Variants in TNKS2 observed in about 807,000 individuals in gnomAD.
TNKS2 encodes the protein poly [ADP-ribose] polymerase tankyrase-2.
In TNKS2, 72 loss-of-function variants were observed where a neutral mutation model predicts 137.6. That is an observed-to-expected ratio of 0.52 (90% CI 0.43 to 0.64). The LOEUF (loss-of-function observed/expected upper bound fraction) is 0.64, where lower values mean the gene tolerates loss of function less well. TNKS2 is among the 30% of genes least tolerant of loss of function. The pLI, the probability that TNKS2 is intolerant of heterozygous loss-of-function variation, is 0.00. For missense variants in TNKS2, 1,049 were observed against 1,410.2 expected, an observed-to-expected ratio of 0.74 and a Z score of 4.10; for synonymous variants, 516 against 512.1, an observed-to-expected ratio of 1.01 and a Z score of -0.10.
At chr10:91,814,537 T>C (rs966698945) in intron 2 of TNKS2, among the ~76,000 whole-genome samples, 1 of 152,238 alleles carries the variant, frequency 6.6e-6, no homozygotes, top group Non-Finnish European at 1.5e-5. Context: ...TCACATTCAC[T>C]CATCACTCAC....
intron 1 of TNKS2, among the ~76,000 whole-genome samples, chr10:91,800,737 G>A (rs1410013246): frequency 6.6e-6 from 1 of 152,150 alleles, no homozygotes; most frequent in African/African-American, 2.4e-5. Context: ...TTCAACCAGA[G>A]CTTTTGAAGT....
chr10:91,863,055 G>C lies in TNKS2; in HGVS notation c.*56G>C. ...ACCTAAAATCATCAAAGCAGCAGTGGCCTCTACGTTTTACTCCTTTGCTGA... is the reference window on the plus strand; with the variant it reads ...ACCTAAAATCATCAAAGCAGCAGTGCCCTCTACGTTTTACTCCTTTGCTGA... On this transcript the variant is annotated 3_prime_UTR_variant, in exon 27 of 27. Transcript: ENST00000371627. 1.5e-6 allele frequency: 2 copies of C among 1,320,262 alleles called. No homozygotes were observed. The highest frequency in any genetic ancestry group is 2.5e-5 in the South Asian group (2 of 79,444). 81.8% of individuals were successfully genotyped at this position (1,320,262 alleles called of 1,614,324 possible).
At chr10:91,842,694 C>T (rs776519318) in intron 16 of TNKS2, among the ~76,000 whole-genome samples, 1 of 151,912 alleles carries the variant, frequency 6.6e-6, no homozygotes, top group African/African-American at 2.4e-5. Context: ...AAGATTGAGC[C>T]CAGGAGGTCA....
chr10:91,816,861 T>A (rs1487023695), intron 2 of TNKS2, among the ~76,000 whole-genome samples: 2 of 152,208 alleles, frequency 1.3e-5, no homozygotes, highest in Non-Finnish European at 2.9e-5. Flanking sequence ...TTATCTATCC[T>A]TAGTCACTTG....
Position 91,828,355 on chromosome 10 carries a change from C to G in TNKS2, c.1053C>G (p.Leu351=), listed in dbSNP as rs141531302. Reference sequence around the variant, plus strand: ...ATGTTACTCGAATCAAAAAACATCTCTCTCTGGAAATGGTGAATTTCAAGC... The same window carrying G: ...ATGTTACTCGAATCAAAAAACATCTGTCTCTGGAAATGGTGAATTTCAAGC... The part of the protein sequence containing the change: ...EADVTRIKKH[L]SLEMVNFKHP... The change falls in exon 9 of 27, where the codon CTC becomes CTG. Residue 351 remains leucine (L), a synonymous_variant. Coordinates refer to ENST00000371627, the MANE Select transcript of TNKS2 (RefSeq NM_025235.4). 6.8e-5 allele frequency: 110 copies of G among 1,608,868 alleles called. No homozygotes were observed. Among genetic ancestry groups the G allele is most frequent in the African/African-American group, 6.2e-4 (46 of 74,690 alleles).
At chr10:91,852,271 G>A (rs1842562514) in intron 21 of TNKS2, among the ~76,000 whole-genome samples, 1 of 149,110 alleles carries the variant, frequency 6.7e-6, no homozygotes, top group Non-Finnish European at 1.5e-5. Flanking sequence ...AAGGTTAATT[G>A]TTTTGGCTAG....
At chr10:91,850,691 C>T (rs1842515674) in intron 20 of TNKS2, among the ~76,000 whole-genome samples, 2 of 152,128 alleles carry the variant, frequency 1.3e-5, no homozygotes, top group South Asian at 4.1e-4. Context: ...TGCACTCCAG[C>T]CTTGGCAACG....
At chr10:91,814,267 A>G (rs1043814032) in intron 2 of TNKS2, among the ~76,000 whole-genome samples, 2 of 152,200 alleles carry the variant, frequency 1.3e-5, no homozygotes, top group African/African-American at 4.8e-5. Flanking sequence ...TTGTAAAAAA[A>G]AATTTTTTTG....
chr10:91,840,522 G>A (rs766680418), intron 13 of TNKS2, 39 bp from the exon 14 acceptor site: 4 of 1,561,802 alleles, frequency 2.6e-6, no homozygotes, highest in Admixed American at 3.7e-5. Flanking sequence ...ATAACAATAT[G>A]TAGATGTAGT....
chr10:91,820,305 C>T (rs1844847455), intron 6 of TNKS2, among the ~76,000 whole-genome samples: 1 of 152,154 alleles, frequency 6.6e-6, no homozygotes, highest in Non-Finnish European at 1.5e-5. Context: ...AGGGATAGCA[C>T]TGCAGGAGTT....
intron 11 of TNKS2, among the ~76,000 whole-genome samples, chr10:91,831,583 C>G (rs1845248954): frequency 6.6e-6 from 1 of 152,140 alleles, no homozygotes; most frequent in Non-Finnish European, 1.5e-5. Context: ...ATTTCTGTAA[C>G]TAAGCCAAAG....
At chr10:91,857,383 G>T in intron 23 of TNKS2, 42 bp from the exon 24 acceptor site, 1 of 1,445,634 alleles carries the variant, frequency 6.9e-7, no homozygotes, top group Non-Finnish European at 9.6e-7. Context: ...AAGTCAGTAA[G>T]TAATTCCTAA....
At position 91,817,228 on chromosome 10, in the gene TNKS2, T is replaced by C; in HGVS notation, c.519T>C (p.Thr173=). 1.2e-6 allele frequency: 2 copies of C among 1,610,764 alleles called. No individual in the cohort carries two copies. The highest frequency in any genetic ancestry group is 1.3e-5 in the African/African-American group (1 of 75,012). ...LADPSAKAVL[T]GEYKKDELLE... ...ATCCATCTGCCAAAGCAGTGCTTAC[T>C]GGTAAGTCTGTATACTCTGGTTATT... The change falls in exon 3 of 27, where the codon ACT becomes ACC. Residue 173 remains threonine, a splice_region_variant and synonymous_variant. Coordinates refer to ENST00000371627, the MANE Select transcript of TNKS2 (RefSeq NM_025235.4).
In TNKS2 at chr10:91,857,451, A is replaced by C. The variant is rs762960669; in HGVS notation, c.3015A>C (p.Leu1005=). The change falls in exon 24 of 27, where the codon CTA becomes CTC. Residue 1005 remains leucine (L), a synonymous_variant. Coordinates refer to ENST00000371627, the MANE Select transcript of TNKS2 (RefSeq NM_025235.4). ...LKIQKVCNKK[L]WERYTHRRKE... ...TTCAGAAGGTTTGTAACAAGAAACT[A>C]TGGGAAAGATACACTCACCGGAGAA... 1 of 1,609,514 alleles carries C rather than the reference A, an allele frequency of 6.2e-7. No individual in the cohort carries two copies. The highest frequency in any genetic ancestry group is 8.5e-7 in the Non-Finnish European group (1 of 1,177,258).
intron 7 of TNKS2, 66 bp from the exon 8 acceptor site, chr10:91,826,951 C>G: frequency 7.4e-7 from 1 of 1,352,078 alleles, no homozygotes; most frequent in Non-Finnish European, 9.7e-7. Flanking sequence ...TGTTAAATTA[C>G]ACAGTACGAA....
intron 13 of TNKS2, among the ~76,000 whole-genome samples, chr10:91,838,036 ATTTTTTTTTTTTTTTTT>A (rs71025367): frequency 3.9e-5 from 2 of 51,190 alleles, no homozygotes; most frequent in Non-Finnish European, 6.8e-5. Context: ...CAATTAGCTG[ATTTTTTTTTTTTTTTTT>A]TTTTTTTTTT....
rs748418878 is a variant in TNKS2, at chr10:91,859,478, T to C, written c.3111T>C (p.Asn1037=). Residue 1037 remains asparagine (N), a synonymous_variant, in exon 25 of 27, where the codon AAT becomes AAC. Transcript: ENST00000371627. ...GTGTTTCAGGGTCTCCTTTTGTGAA[T>C]GCAATTATCCACAAAGGCTTTGATG... ...RMLFHGSPFV[N]AIIHKGFDER... 2 of 1,603,974 alleles carry C rather than the reference T, an allele frequency of 1.2e-6. No homozygotes were observed. Among genetic ancestry groups the C allele is most frequent in the Non-Finnish European group, 8.5e-7 (1 of 1,176,182 alleles).
intron 24 of TNKS2, among the ~76,000 whole-genome samples, chr10:91,858,593 G>A (rs1842774303): frequency 6.6e-6 from 1 of 152,210 alleles, no homozygotes; most frequent in South Asian, 2.1e-4. Context: ...AAAGAGGAGA[G>A]AGAAGTCAAT....
In TNKS2 at chr10:91,864,806, A is replaced by G. The variant is rs551929201; in HGVS notation, c.*1807A>G. On this transcript the variant is annotated 3_prime_UTR_variant, in exon 27 of 27. Transcript: ENST00000371627. ...TAAGCTTCCAGGTTTTATAATTAGA[A>G]GATAATGAGAGAATTAATGGGGTTT... 6.6e-6 allele frequency: 1 copy of G among 152,626 alleles called. No homozygotes were observed. The highest frequency in any genetic ancestry group is 1.5e-5 in the Non-Finnish European group (1 of 68,028). The allele number at this position is 152,626 out of a possible 1,614,324, so 9.5% of individuals were successfully genotyped here. A position where few individuals can be genotyped will look rare whatever the true frequency, so the allele number is the denominator to read the frequency against.
Sources: allele counts gnomAD v4.1 joint callset (sites outside exome capture counted in the v4.1 genomes callset), GRCh38; gene constraint gnomAD v4.1.1; transcripts MANE v1.5; gene names NCBI Gene and HGNC (gene_info 2026-07-23, HGNC 2026-07-21).